Variants in CHMP5 observed in about 807,000 individuals in gnomAD.
CHMP5 encodes the protein SNF7 domain containing 2.
CHMP5 carries 17 observed loss-of-function variants against 33.0 expected under a neutral mutation model. The ratio of observed to expected loss-of-function variants is 0.52; its 90% CI spans 0.35 to 0.77. CHMP5 has a LOEUF of 0.77. CHMP5 is among the 30% of genes least tolerant of loss of function. CHMP5 has a pLI of 0.01. For missense variants in CHMP5, 216 were observed against 261.5 expected (o/e 0.83, Z 1.20); for synonymous variants, 76 against 90.2 (o/e 0.84, Z 0.89).
At chr9:33,266,525 G>C (rs1173555177) in intron 2 of CHMP5, among the ~76,000 whole-genome samples, 2 of 152,220 alleles carry the variant, frequency 1.3e-5, no homozygotes, top group Admixed American at 6.5e-5. Context: ...CCCTACAGAA[G>C]AGATGCTTAC....
intron 5 of CHMP5, among the ~76,000 whole-genome samples, chr9:33,274,538 T>C (rs1820830650): frequency 6.6e-6 from 1 of 152,200 alleles, no homozygotes; most frequent in Admixed American, 6.5e-5. Flanking sequence ...AAAATATATA[T>C]AGTATTAGGT....
In CHMP5 at chr9:33,266,075, T is replaced by C; in HGVS notation, c.135T>C (p.Tyr45=). 1 of 1,613,338 alleles carries C rather than the reference T, an allele frequency of 6.2e-7. No homozygotes were observed. Among genetic ancestry groups the C allele is most frequent in the East Asian group, 2.2e-5 (1 of 44,864 alleles). The change falls in exon 2 of 8, where the codon TAT becomes TAC. Residue 45 remains tyrosine, a synonymous_variant. Transcript: ENST00000223500. ...ISRLDAELVK[Y]KDQIKKMREG... ...GATTGGATGCTGAGCTAGTGAAGTATAAGGATCAGATCAAGAAGATGAGAG... is the reference window on the plus strand; with the variant it reads ...GATTGGATGCTGAGCTAGTGAAGTACAAGGATCAGATCAAGAAGATGAGAG...
At chr9:33,267,517 T>C (rs1032165869) in intron 2 of CHMP5, among the ~76,000 whole-genome samples, 1 of 152,192 alleles carries the variant, frequency 6.6e-6, no homozygotes, top group African/African-American at 2.4e-5. Context: ...TGAGGTTAAG[T>C]TGATGGGCTG....
At chr9:33,269,386 C>T (rs1179474592) in intron 3 of CHMP5, among the ~76,000 whole-genome samples, 1 of 152,154 alleles carries the variant, frequency 6.6e-6, no homozygotes, top group Admixed American at 6.6e-5. Context: ...CGCTTGTAAT[C>T]CCACCTACTT....
chr9:33,280,751 CTT>C (rs975719721), intron 7 of CHMP5, 56 bp from the exon 8 acceptor site: 249 of 1,127,308 alleles, frequency 2.2e-4, no homozygotes, highest in South Asian at 5.1e-4. Context: ...GTTTGTAATC[CTT>C]TTTTTTTTTA....
intron 5 of CHMP5, among the ~76,000 whole-genome samples, chr9:33,273,411 T>C (rs1820818039): frequency 6.6e-6 from 1 of 152,226 alleles, no homozygotes. Flanking sequence ...GTGAATGCTT[T>C]GTATGTCTCT....
chr9:33,272,315 A>G (rs751144593), intron 5 of CHMP5, among the ~76,000 whole-genome samples: 1 of 151,720 alleles, frequency 6.6e-6, no homozygotes. Flanking sequence ...CCCAGTGCCC[A>G]TAACAATGCC....
intron 2 of CHMP5, among the ~76,000 whole-genome samples, 155 bp from the exon 3 acceptor site, chr9:33,267,698 G>GA (rs1384569232): frequency 6.6e-6 from 1 of 152,042 alleles, no homozygotes; most frequent in Non-Finnish European, 1.5e-5. Flanking sequence ...AGAGATACCT[G>GA]TTTTTGGGAG....
intron 4 of CHMP5, among the ~76,000 whole-genome samples, 192 bp downstream of exon 4, chr9:33,270,908 C>G (rs912386086): frequency 1.3e-5 from 2 of 152,032 alleles, no homozygotes; most frequent in Admixed American, 1.3e-4. Flanking sequence ...ATGGTGAAAC[C>G]CTGCCTCTAC....
At chr9:33,265,799 T>C (rs1820710996) in intron 1 of CHMP5, among the ~76,000 whole-genome samples, 1 of 152,226 alleles carries the variant, frequency 6.6e-6, no homozygotes, top group Admixed American at 6.5e-5. Flanking sequence ...CTACCTGGTA[T>C]ATCAGAATCG....
intron 5 of CHMP5, among the ~76,000 whole-genome samples, chr9:33,275,431 A>G (rs899263319): frequency 6.6e-6 from 1 of 151,834 alleles, no homozygotes; most frequent in African/African-American, 2.4e-5. Context: ...TCCCTTTCTG[A>G]TTCTCCATCC....
At chr9:33,265,700 C>G (rs1185336005) in intron 1 of CHMP5, among the ~76,000 whole-genome samples, 1 of 152,220 alleles carries the variant, frequency 6.6e-6, no homozygotes, top group Non-Finnish European at 1.5e-5. Context: ...CTTGGAGGAA[C>G]TCTCAGCCTG....
intron 3 of CHMP5, among the ~76,000 whole-genome samples, chr9:33,270,395 G>A (rs966534269): frequency 5.3e-5 from 8 of 152,178 alleles, no homozygotes; most frequent in African/African-American, 1.7e-4. Flanking sequence ...ATTGTTAAGC[G>A]ATGCATGACT....
At chr9:33,280,122 A>G (rs1820904561) in intron 7 of CHMP5, among the ~76,000 whole-genome samples, 1 of 151,884 alleles carries the variant, frequency 6.6e-6, no homozygotes, top group Non-Finnish European at 1.5e-5. Context: ...GATTACAGGC[A>G]TGCTTCACCA....
chr9:33,278,884 G>A (rs974149190), intron 7 of CHMP5, among the ~76,000 whole-genome samples: 3 of 152,092 alleles, frequency 2.0e-5, no homozygotes, highest in African/African-American at 4.8e-5. Flanking sequence ...GATCTTGTAT[G>A]TAAAGGACTG....
At chr9:33,270,830 C>G (rs932772502) in intron 4 of CHMP5, 114 bp downstream of exon 4, 1 of 864,524 alleles carries the variant, frequency 1.2e-6, no homozygotes, top group African/African-American at 1.7e-5. Context: ...GCCTGTAATC[C>G]CAACACTTTG....
At chr9:33,274,191 T>G (rs1820827047) in intron 5 of CHMP5, among the ~76,000 whole-genome samples, 1 of 152,114 alleles carries the variant, frequency 6.6e-6, no homozygotes, top group African/African-American at 2.4e-5. Flanking sequence ...TCCTTCTACT[T>G]CAGTCTCCTG....
intron 7 of CHMP5, among the ~76,000 whole-genome samples, chr9:33,280,003 A>G (rs1214809936): frequency 2.6e-5 from 4 of 151,468 alleles, no homozygotes; most frequent in South Asian, 2.1e-4. Context: ...TTTGAGATGG[A>G]GTCCCGCTGT....
Position 33,267,859 on chromosome 9 carries a change from G to A in CHMP5, c.181G>A (p.Val61Ile). 2 of 1,609,594 alleles carry A rather than the reference G, an allele frequency of 1.2e-6. No individual in the cohort carries two copies. The highest frequency in any genetic ancestry group is 2.2e-5 in the South Asian group (2 of 90,988). Residue 61 changes from valine to isoleucine, a missense_variant, in exon 3 of 8, where the codon GTC (valine) becomes ATC (isoleucine). Transcript: ENST00000223500. ...AATCTGTTTTTCTCTCCAGAATATG[G>A]TCAAGCAGAAAGCCTTGCGAGTTTT... ...KMREGPAKNM[V>I]KQKALRVLKQ...
Sources: allele counts gnomAD v4.1 joint callset (sites outside exome capture counted in the v4.1 genomes callset), GRCh38; gene constraint gnomAD v4.1.1; transcripts MANE v1.5; gene names NCBI Gene and HGNC (gene_info 2026-07-23, HGNC 2026-07-21).